Variants in IL17B observed in about 807,000 individuals in gnomAD.
The protein encoded by IL17B is interleukin 17B.
In IL17B, 14 loss-of-function variants were observed where a neutral mutation model predicts 14.7. That is an observed-to-expected ratio of 0.95 (90% CI 0.63 to 1.49). IL17B has a LOEUF of 1.49. Among genes scored for constraint, IL17B ranks in the 40% most tolerant of loss-of-function variants. IL17B has a pLI of 0.00. For missense variants in IL17B, 233 were observed against 252.8 expected (o/e 0.92, Z 0.53); for synonymous variants, 105 against 94.8 (o/e 1.11, Z -0.62).
rs1561708856 is a variant in IL17B at position 149,374,665 on chromosome 5, C to G, written c.312-65G>C. The G allele has an allele frequency of 8.2e-7, 1 of 1,221,602 alleles. No individual in the cohort carries two copies. The highest frequency in any genetic ancestry group is 2.1e-5 in the Admixed American group (1 of 48,078). 75.7% of individuals were successfully genotyped at this position (1,221,602 alleles called of 1,614,324 possible). ...AGGAAAGGGCCAGTCAGCACCCATA[C>G]TCCACACCCCTGCCTTTCCTAATCA... On this transcript the variant is annotated intron_variant, in intron 2 of 2. Coordinates refer to ENST00000261796, the MANE Select transcript of IL17B (RefSeq NM_014443.3). The surrounding 1 kb of genome is among the most constrained non-coding windows in gnomAD (Gnocchi z 5.0).
At chr5:149,392,610 G>A (rs571263248) in intron 1 of IL17B, among the ~76,000 whole-genome samples, 28 of 152,300 alleles carry the variant, frequency 1.8e-4, no homozygotes, top group Admixed American at 3.9e-4. Flanking sequence ...GATTTTCTCT[G>A]GGGAGGGGAA....
intron 1 of IL17B, among the ~76,000 whole-genome samples, chr5:149,397,809 C>T (rs1461902765): frequency 2.0e-5 from 3 of 152,124 alleles, no homozygotes; most frequent in Admixed American, 2.0e-4. Context: ...ACCCAGGGGC[C>T]ACTGGTGTAA....
chr5:149,390,630 C>CACACACACACACACACAGAGAGAGAG (rs1491235916), intron 1 of IL17B, among the ~76,000 whole-genome samples: 2 of 132,002 alleles, frequency 1.5e-5, no homozygotes, highest in African/African-American at 5.8e-5. Context: ...CACACACACA[C>CACACACACACACACACAGAGAGAGAG]AGAGATACAC....
intron 1 of IL17B, among the ~76,000 whole-genome samples, chr5:149,386,809 G>A (rs960848212): frequency 1.3e-5 from 2 of 152,176 alleles, no homozygotes; most frequent in Admixed American, 6.5e-5. Context: ...GGGTTCAAGC[G>A]ATTCTCATGC....
chr5:149,402,530 C>G (rs987348416), intron 1 of IL17B, among the ~76,000 whole-genome samples: 2 of 152,052 alleles, frequency 1.3e-5, no homozygotes, highest in Non-Finnish European at 2.9e-5. Flanking sequence ...CTGTCCTGGC[C>G]TATCTGTGAA....
intron 1 of IL17B, among the ~76,000 whole-genome samples, chr5:149,378,113 C>T (rs1336710856): frequency 1.3e-5 from 2 of 152,116 alleles, no homozygotes; most frequent in African/African-American, 4.8e-5. Context: ...CACTGCACTC[C>T]AGCCTGGGCG....
intron 2 of IL17B, 137 bp downstream of exon 2, chr5:149,376,599 G>A (rs1758543171): frequency 8.8e-7 from 1 of 1,137,872 alleles, no homozygotes; most frequent in Admixed American, 2.9e-5. Flanking sequence ...AAGCCTCACA[G>A]GCAAGTAAGA....
chr5:149,392,711 T>A (rs1276225498), intron 1 of IL17B, among the ~76,000 whole-genome samples: 1 of 152,236 alleles, frequency 6.6e-6, no homozygotes, highest in African/African-American at 2.4e-5. Flanking sequence ...ATAGATATTA[T>A]CTATTCAAAC....
chr5:149,377,111 C>T (rs1234821372), intron 1 of IL17B, 86 bp from the exon 2 acceptor site: 1 of 1,150,412 alleles, frequency 8.7e-7, no homozygotes, highest in South Asian at 1.6e-5. Flanking sequence ...TTTCCCATTG[C>T]TCTTAGGGGT....
At chr5:149,391,365 A>G (rs561621128) in intron 1 of IL17B, among the ~76,000 whole-genome samples, 4 of 152,302 alleles carry the variant, frequency 2.6e-5, no homozygotes, top group African/African-American at 9.6e-5. Context: ...CCAGGCTTAG[A>G]GGCATGGAGA....
In IL17B at chr5:149,374,605, A is replaced by C. The variant is rs770992357; in HGVS notation, c.312-5T>G. 1 of 1,604,140 alleles carries C rather than the reference A, an allele frequency of 6.2e-7. No homozygotes were observed. Among genetic ancestry groups the C allele is most frequent in the East Asian group, 2.2e-5 (1 of 44,640 alleles). ...CGGCTGGGGTCGTGGTTGATGCTGC[A>C]GGGAGCAGAAGAAAGAGCAGAGCGG... is the stretch of plus-strand genomic sequence containing the variant. On this transcript the variant is annotated splice_region_variant and splice_polypyrimidine_tract_variant and intron_variant, in intron 2 of 2. Transcript: ENST00000261796. The surrounding 1 kb of genome is among the most constrained non-coding windows in gnomAD (Gnocchi z 5.0).
rs1758625366 is a variant in IL17B, at chr5:149,379,278, T to C, written c.-53A>G. On this transcript the variant is annotated 5_prime_UTR_variant, in exon 1 of 3. Coordinates refer to ENST00000261796, the MANE Select transcript of IL17B (RefSeq NM_014443.3). ...GCTGCTGCCCGCCTGGAACCCCAGA[T>C]GCCGCCGAGAGAATGGCAGCAACAG... The C allele has an allele frequency of 4.3e-6, 7 of 1,610,898 alleles. No homozygotes were observed. Among genetic ancestry groups the C allele is most frequent in the Non-Finnish European group, 5.9e-6 (7 of 1,177,990 alleles).
At chr5:149,382,817 A>G (rs1044855854), upstream of IL17B, among the ~76,000 whole-genome samples, 4 of 152,246 alleles carry the variant, frequency 2.6e-5, no homozygotes, top group African/African-American at 4.8e-5. Context: ...CCCAAGCCCA[A>G]GTCATCAAGG....
upstream of IL17B, among the ~76,000 whole-genome samples, chr5:149,383,173 G>A (rs1295401746): frequency 1.3e-5 from 2 of 152,232 alleles, no homozygotes; most frequent in Non-Finnish European, 2.9e-5. Context: ...ATGAGATAAT[G>A]CACGTTAAAG....
In IL17B at chr5:149,376,835, G is replaced by T; in HGVS notation, c.212C>A (p.Ala71Asp). The T allele has an allele frequency of 6.2e-7, 1 of 1,614,154 alleles. No individual in the cohort carries two copies. The highest frequency in any genetic ancestry group is 2.2e-5 in the East Asian group (1 of 44,872). ...EYERNIEEMV[A>D]QLRNSSELAQ... is the part of the protein sequence containing the mutation. ...CAGCTCTGAGCTGTTCCTCAGCTGG[G>T]CCACCATCTCCTCGATGTTCCTCTC... Residue 71 changes from alanine (A) to aspartate (D), a missense_variant, in exon 2 of 3, where the codon GCC (alanine) becomes GAC (aspartate). Physicochemically the swap from Ala to Asp is moderately radical, Grantham distance 126 (BLOSUM62 -2). Transcript: ENST00000261796.
intron 1 of IL17B, among the ~76,000 whole-genome samples, chr5:149,402,885 C>T (rs1408066380): frequency 6.6e-6 from 1 of 150,674 alleles, no homozygotes; most frequent in Non-Finnish European, 1.5e-5. Flanking sequence ...TACCTGTAGT[C>T]CCAGCTACTT....
At position 149,374,382 on chromosome 5, in the gene IL17B, G is replaced by A; in HGVS notation, c.530C>T (p.Thr177Ile). 2 of 1,577,846 alleles carry A rather than the reference G, an allele frequency of 1.3e-6. No individual in the cohort carries two copies. The highest frequency in any genetic ancestry group is 1.1e-5 in the South Asian group (1 of 89,064). Residue 177 changes from threonine to isoleucine, a missense_variant, in exon 3 of 3, where the codon ACC becomes ATC. By Grantham distance (89) the Thr-to-Ile change is moderately conservative. Transcript: ENST00000261796. The surrounding 1 kb of genome is among the most constrained non-coding windows in gnomAD (Gnocchi z 5.0). Reference sequence around the variant, plus strand: ...GGGCCAGGTGATTCAGAAGATGCAGGTGCAGCCCACAGCGATGGTCTCCAT... The same window carrying A: ...GGGCCAGGTGATTCAGAAGATGCAGATGCAGCCCACAGCGATGGTCTCCAT... ...AVMETIAVGC[T>I]CIF
intron 1 of IL17B, among the ~76,000 whole-genome samples, chr5:149,399,828 T>C (rs1759172538): frequency 6.6e-6 from 1 of 152,158 alleles, no homozygotes; most frequent in Admixed American, 6.5e-5. Context: ...TGACCAGGGT[T>C]GGGTGGCAGA....
chr5:149,382,006 G>A (rs973339652), upstream of IL17B, among the ~76,000 whole-genome samples: 7 of 152,270 alleles, frequency 4.6e-5, no homozygotes, highest in East Asian at 7.7e-4. Flanking sequence ...CCGCGGTCTC[G>A]CTCAGAGCCC....
Sources: allele counts gnomAD v4.1 joint callset (sites outside exome capture counted in the v4.1 genomes callset), GRCh38; gene constraint gnomAD v4.1.1; non-coding constraint Gnocchi (gnomAD v3.1); transcripts MANE v1.5; gene names NCBI Gene and HGNC (gene_info 2026-07-23, HGNC 2026-07-21).